Variants in MTR observed in about 807,000 individuals in gnomAD.
The protein encoded by MTR is methionine synthase.
MTR carries 84 observed loss-of-function variants against 154.8 expected under a neutral mutation model. That is an observed-to-expected ratio of 0.54 (90% confidence interval 0.45 to 0.65). MTR has a LOEUF of 0.65. Among genes scored for constraint, MTR ranks in the 30% least tolerant of loss-of-function variants. The probability of loss-of-function intolerance (pLI) is 0.00; values close to 1 mark genes in which losing one functional copy is unlikely to be tolerated. For synonymous variants in MTR, 554 were observed against 553.9 expected, an observed-to-expected ratio of 1.00 and a Z score of 0.00; for missense variants, 1,275 against 1,570.2, an observed-to-expected ratio of 0.81 and a Z score of 3.18.
intron 25 of MTR, among the ~76,000 whole-genome samples, chr1:236,884,189 C>T (rs1241653266): frequency 1.3e-5 from 2 of 152,202 alleles, no homozygotes; most frequent in Non-Finnish European, 2.9e-5. Flanking sequence ...ATTCCCTCAG[C>T]AAACATTTAG....
In MTR at chr1:236,873,667, C is replaced by T. The variant is rs114229303; in HGVS notation, c.2406-106C>T. On this transcript the variant is annotated intron_variant, in intron 22 of 32. Coordinates refer to ENST00000366577, the MANE Select transcript of MTR (RefSeq NM_000254.3). ...TTAGTGAGCATTTCAACTTGATTCT[C>T]GTTTACATTAGAGCAGTATTTAATG... The T allele has an allele frequency of 3.4e-3, 3,061 of 912,952 alleles. 12 individuals carry two copies. Among genetic ancestry groups the T allele is most frequent in the Non-Finnish European group, 4.0e-3 (2,253 of 558,070 alleles). 56.6% of individuals were successfully genotyped at this position (912,952 alleles called of 1,614,324 possible). A position where few individuals can be genotyped will look rare whatever the true frequency, so the allele number is the denominator to read the frequency against.
chr1:236,831,907 C>G, intron 12 of MTR, 59 bp from the exon 13 acceptor site: 2 of 1,185,492 alleles, frequency 1.7e-6, no homozygotes, highest in Non-Finnish European at 2.5e-6. Context: ...TTGTGTCTGT[C>G]TGTCTCATGT....
In MTR at chr1:236,895,412, G is replaced by A. The variant is rs1188027807; in HGVS notation, c.3460G>A (p.Gly1154Ser). The A allele has an allele frequency of 3.1e-6, 5 of 1,605,258 alleles. No individual in the cohort carries two copies. The Admixed American group carries it at 6.8e-5, about 22-fold the overall frequency. The change falls in exon 31 of 33, where the codon GGC (glycine) becomes AGC (serine). Residue 1154 changes from glycine to serine, a missense_variant. Gly to Ser is a moderately conservative substitution (Grantham distance 56). Coordinates refer to ENST00000366577, the MANE Select transcript of MTR (RefSeq NM_000254.3). ...TCGCCGAGAACTGTGGGCCTACTGT[G>A]GCAGTGAGCAGCTGGACGTCGCAGA... Reference protein sequence around the residue: ...RVRRELWAYCGSEQLDVADLR... With the variant: ...RVRRELWAYCSSEQLDVADLR...
chr1:236,893,508 A>G (rs1414905869), intron 29 of MTR, among the ~76,000 whole-genome samples: 3 of 152,210 alleles, frequency 2.0e-5, no homozygotes, highest in South Asian at 2.1e-4. Flanking sequence ...TTGTCTGTAA[A>G]ATGGAGCTGA....
At chr1:236,868,478 G>A (rs1182000355) in intron 22 of MTR, among the ~76,000 whole-genome samples, 1 of 152,054 alleles carries the variant, frequency 6.6e-6, no homozygotes, top group Non-Finnish European at 1.5e-5. Context: ...GCATCTCTGA[G>A]TTATGTCTGT....
rs58179715 is a variant in MTR, at chr1:236,844,453, CGTGTGTGTGTGTGTGTGTGTGT to C, written c.1516-5862_1516-5841del. 1.2e-3 allele frequency among the ~76,000 whole-genome samples: 176 copies of C among 145,462 alleles called. 1 individual carries two copies. Among genetic ancestry groups the C allele is most frequent in the Admixed American group, 4.0e-3 (58 of 14,628 alleles). ...GGGGAAATACGAGGTTCAGAAAGGG[CGTGTGTGTGTGTGTGTGTGTGT>C]GTGTGTGTGTGTGTGTGTGTGTGTG... On this transcript the variant is annotated intron_variant, in intron 15 of 32. Coordinates refer to ENST00000366577, the MANE Select transcript of MTR (RefSeq NM_000254.3).
At chr1:236,795,890 C>T (rs777986491) in intron 1 of MTR, among the ~76,000 whole-genome samples, 153 bp downstream of exon 1, 1 of 152,230 alleles carries the variant, frequency 6.6e-6, no homozygotes, top group African/African-American at 2.4e-5. Context: ...GCGCAGGAGC[C>T]CGGAGGGCTA....
At chr1:236,874,203 A>G (rs1665301727) in intron 23 of MTR, among the ~76,000 whole-genome samples, 6 of 152,196 alleles carry the variant, frequency 3.9e-5, no homozygotes. Flanking sequence ...AATTATTGCA[A>G]CTTTAAGTTA....
At chr1:236,835,082 A>G (rs1310029265) in intron 13 of MTR, among the ~76,000 whole-genome samples, 1 of 152,060 alleles carries the variant, frequency 6.6e-6, no homozygotes, top group African/African-American at 2.4e-5. Context: ...TGGTTTCTCT[A>G]AGGACTTTTT....
At chr1:236,816,726 C>G (rs776604755) in intron 8 of MTR, among the ~76,000 whole-genome samples, 183 bp downstream of exon 8, 1 of 152,154 alleles carries the variant, frequency 6.6e-6, no homozygotes, top group South Asian at 2.1e-4. Context: ...GCTGCCTAAA[C>G]GGGTCAATTT....
At chr1:236,813,748 T>G (rs1291569553) in intron 6 of MTR, among the ~76,000 whole-genome samples, 1 of 152,186 alleles carries the variant, frequency 6.6e-6, no homozygotes, top group Non-Finnish European at 1.5e-5. Context: ...ACTGAGGAAA[T>G]CAGGCCCCTC....
rs1393393334 is a variant in MTR, at chr1:236,862,326, G to A, written c.2287G>A (p.Gly763Ser). Residue 763 changes from glycine (G) to serine (S), a missense_variant, in exon 21 of 33, where the codon GGC becomes AGC. Coordinates refer to ENST00000366577, the MANE Select transcript of MTR (RefSeq NM_000254.3). Reference protein sequence around the residue: ...KEREETRVLNGTVEEEDPYQG... With the variant: ...KEREETRVLNSTVEEEDPYQG... ...AAGAGAAGAAACCAGAGTGCTTAACGGCACAGTAGAAGAAGAGGCAAGTCA... is the reference window on the plus strand; with the variant it reads ...AAGAGAAGAAACCAGAGTGCTTAACAGCACAGTAGAAGAAGAGGCAAGTCA... 9 of 1,613,562 alleles carry A rather than the reference G, an allele frequency of 5.6e-6. No individual in the cohort carries two copies. Among genetic ancestry groups the A allele is most frequent in the Admixed American group, 5.0e-5 (3 of 60,012 alleles).
At chr1:236,863,385 G>A (rs1664657127) in intron 21 of MTR, 69 bp from the exon 22 acceptor site, 2 of 1,230,048 alleles carry the variant, frequency 1.6e-6, no homozygotes, top group South Asian at 1.2e-5. Context: ...GCCCCTGCCT[G>A]GCTCTGGAGA....
chr1:236,897,310 G>GCGCACA lies in MTR; in HGVS notation c.3711+193_3711+194insGCACAC. On this transcript the variant is annotated intron_variant, in intron 32 of 32. Transcript: ENST00000366577. ...ACTTCTACATGCAAGCCACACACACGCACACACACACACACACACACACAC... is the reference window on the plus strand; with the variant it reads ...ACTTCTACATGCAAGCCACACACACGCGCACACACACACACACACACACACACACAC... Among the ~76,000 whole-genome samples the GCGCACA allele has an allele frequency of 2.9e-3, 368 of 128,682 alleles. 3 individuals carry two copies. Among genetic ancestry groups the GCGCACA allele is most frequent in the East Asian group, 0.02 (89 of 4,368 alleles). 84.4% of individuals were successfully genotyped at this position (128,682 alleles called of 152,430 possible). A position where few individuals can be genotyped will look rare whatever the true frequency, so the allele number is the denominator to read the frequency against.
chr1:236,809,050 G>A (rs534630673), intron 4 of MTR, among the ~76,000 whole-genome samples: 2 of 152,174 alleles, frequency 1.3e-5, no homozygotes, highest in South Asian at 4.1e-4. Context: ...TGACTTCCTT[G>A]TGTATTTAGA....
chr1:236,811,719 G>A (rs890415365), intron 5 of MTR: 11 of 455,552 alleles, frequency 2.4e-5, no homozygotes, highest in Non-Finnish European at 4.4e-5. Context: ...TTCACTTAAC[G>A]TCATTGGCAG....
At chr1:236,863,607 C>G (rs1664672186) in intron 22 of MTR, 53 bp downstream of exon 22, 1 of 1,472,674 alleles carries the variant, frequency 6.8e-7, no homozygotes, top group African/African-American at 1.4e-5. Context: ...AAATGAAAGC[C>G]TTTTAACAGA....
At chr1:236,820,457 C>T in intron 8 of MTR, 2 of 1,409,432 alleles carry the variant, frequency 1.4e-6, no homozygotes, top group Non-Finnish European at 2.0e-6. Context: ...CCACGGAAGA[C>T]TGGTCTGCAG....
At chr1:236,879,285 A>C (rs1006658248) in intron 24 of MTR, among the ~76,000 whole-genome samples, 1 of 152,192 alleles carries the variant, frequency 6.6e-6, no homozygotes, top group African/African-American at 2.4e-5. Context: ...TGTTTTTTCT[A>C]AATATATAGA....
Sources: allele counts gnomAD v4.1 joint callset (sites outside exome capture counted in the v4.1 genomes callset), GRCh38; gene constraint gnomAD v4.1.1; transcripts MANE v1.5; gene names NCBI Gene and HGNC (gene_info 2026-07-23, HGNC 2026-07-21).